Variants in CBLB observed in about 807,000 individuals in gnomAD.
CBLB encodes Cbl proto-oncogene B, also known as E3 ubiquitin-protein ligase CBL-B.
Under a neutral mutation model 104.9 loss-of-function variants are expected in CBLB, and 31 were observed. The observed-to-expected ratio is 0.30, with a 90% CI of 0.22 to 0.40. CBLB has a LOEUF of 0.40. CBLB is among the 10% of genes least tolerant of loss of function. The probability of loss-of-function intolerance (pLI) is 1.00; values close to 1 mark genes in which losing one functional copy is unlikely to be tolerated. For missense variants in CBLB, 1,062 were observed against 1,214.6 expected, an observed-to-expected ratio of 0.87 and a Z score of 1.87; for synonymous variants, 440 against 422.6, an observed-to-expected ratio of 1.04 and a Z score of -0.51.
chr3:105,700,473 G>A (rs1217537259), intron 12 of CBLB, among the ~76,000 whole-genome samples: 1 of 150,330 alleles, frequency 6.7e-6, no homozygotes, highest in Non-Finnish European at 1.5e-5. Context: ...AAGCTAAAGG[G>A]GGAAAAAAAA....
chr3:105,676,754 G>C lies in CBLB; in HGVS notation c.2569+1677C>G, dbSNP rs376138622. On this transcript the variant is annotated intron_variant, in intron 17 of 18. Coordinates refer to ENST00000394030, the MANE Select transcript of CBLB (RefSeq NM_170662.5). ...TGTCCCCACTCAAATTTCATTTTGAGTTGTAATCCCCACGTGTTAGGGAGG... is the reference window on the plus strand; with the variant it reads ...TGTCCCCACTCAAATTTCATTTTGACTTGTAATCCCCACGTGTTAGGGAGG... Among the ~76,000 whole-genome samples, 23 of 152,330 alleles carry C rather than the reference G, an allele frequency of 1.5e-4. 1 individual carries two copies. The South Asian group carries it at 4.8e-3, about 32-fold the overall frequency.
At chr3:105,760,297 T>C (rs2077494745) in intron 4 of CBLB, among the ~76,000 whole-genome samples, 1 of 152,210 alleles carries the variant, frequency 6.6e-6, no homozygotes, top group Admixed American at 6.5e-5. Context: ...CATAATAATG[T>C]GTAAAAATTC....
intron 7 of CBLB, among the ~76,000 whole-genome samples, chr3:105,737,800 C>T (rs1490594827): frequency 1.3e-5 from 2 of 152,130 alleles, no homozygotes; most frequent in African/African-American, 4.8e-5. Context: ...AACACATGTG[C>T]ACATATGCAA....
At chr3:105,710,757 T>C (rs559385585) in intron 10 of CBLB, among the ~76,000 whole-genome samples, 93 of 152,070 alleles carry the variant, frequency 6.1e-4, no homozygotes, top group African/African-American at 1.6e-3. Context: ...AAAGACCACA[T>C]TGGATTCTTT....
At chr3:105,814,325 G>A (rs762320635) in intron 3 of CBLB, among the ~76,000 whole-genome samples, 3 of 152,164 alleles carry the variant, frequency 2.0e-5, no homozygotes, top group Non-Finnish European at 4.4e-5. Context: ...TCATTAATCA[G>A]TATTACTGAG....
chr3:105,667,158 A>G (rs2064558794), intron 18 of CBLB, among the ~76,000 whole-genome samples: 1 of 152,216 alleles, frequency 6.6e-6, no homozygotes, highest in Admixed American at 6.5e-5. Context: ...CTTATTTGGC[A>G]ATAAGGTCTT....
At chr3:105,788,394 G>A (rs1365074388) in intron 3 of CBLB, among the ~76,000 whole-genome samples, 1 of 151,716 alleles carries the variant, frequency 6.6e-6, no homozygotes, top group East Asian at 1.9e-4. Context: ...TGGTTTCCTT[G>A]GGCCACATGT....
intron 3 of CBLB, among the ~76,000 whole-genome samples, chr3:105,834,967 C>T (rs922109689): frequency 6.6e-6 from 1 of 152,220 alleles, no homozygotes; most frequent in Non-Finnish European, 1.5e-5. Context: ...TATCACAACG[C>T]TGACAAGGTG....
intron 3 of CBLB, among the ~76,000 whole-genome samples, chr3:105,803,262 C>A (rs962765558): frequency 2.0e-4 from 31 of 152,134 alleles, no homozygotes; most frequent in Non-Finnish European, 4.0e-4. Context: ...CTACTTATTT[C>A]TTTAGGCTTA....
chr3:105,669,293 T>C (rs922907539), intron 18 of CBLB, among the ~76,000 whole-genome samples: 1 of 152,110 alleles, frequency 6.6e-6, no homozygotes, highest in Non-Finnish European at 1.5e-5. Flanking sequence ...GAAGCCCTCA[T>C]GAAAGGGATT....
At chr3:105,827,004 A>G (rs2086681517) in intron 3 of CBLB, among the ~76,000 whole-genome samples, 1 of 152,190 alleles carries the variant, frequency 6.6e-6, no homozygotes, top group African/African-American at 2.4e-5. Flanking sequence ...AATGTGATGG[A>G]ATTTATTAGC....
intron 3 of CBLB, among the ~76,000 whole-genome samples, chr3:105,789,231 G>A (rs1056525749): frequency 6.6e-6 from 1 of 152,074 alleles, no homozygotes; most frequent in African/African-American, 2.4e-5. Flanking sequence ...CTATTATCAC[G>A]ATACTCAATT....
At position 105,702,328 on chromosome 3, in the gene CBLB, G is replaced by A. The variant is rs202207806; in HGVS notation, c.1725C>T (p.Ile575=). Residue 575 remains isoleucine, a synonymous_variant, in exon 12 of 19, where the codon ATC becomes ATT. Transcript: ENST00000394030. ...IPPDNRLSRH[I]HHVESVPSRD... ...TGGAAGGCACGCTTTCCACATGATG[G>A]ATGTGTCTACTCAGTCTATTGTCTG... 1.1e-5 allele frequency: 18 copies of A among 1,613,884 alleles called. No individual in the cohort carries two copies. Among genetic ancestry groups the A allele is most frequent in the Non-Finnish European group, 1.4e-5 (17 of 1,180,014 alleles).
In CBLB at chr3:105,797,326, G is replaced by A. The variant is rs2082354825; in HGVS notation, c.420-20784C>T. Among the ~76,000 whole-genome samples the A allele has an allele frequency of 3.3e-5, 5 of 152,142 alleles. No homozygotes were observed. The South Asian group carries it at 8.3e-4, about 25-fold the overall frequency. The stretch of plus-strand genomic sequence containing the variant: ...AGGCCATTATCTGAAGCAAACTAAT[G>A]TAGGAGCAAAAAACCAAATACCATA... On this transcript the variant is annotated intron_variant, in intron 3 of 18. Coordinates refer to ENST00000394030, the MANE Select transcript of CBLB (RefSeq NM_170662.5).
chr3:105,852,286 T>G (rs929791801), intron 3 of CBLB, among the ~76,000 whole-genome samples: 7 of 152,130 alleles, frequency 4.6e-5, no homozygotes, highest in African/African-American at 1.7e-4. Flanking sequence ...TGTGTGACCT[T>G]CCAGTGGAAT....
chr3:105,767,085 A>AT (rs1050741615), intron 4 of CBLB, among the ~76,000 whole-genome samples: 4 of 152,004 alleles, frequency 2.6e-5, no homozygotes, highest in South Asian at 2.1e-4. Flanking sequence ...GATACCTGAA[A>AT]TTTTTTTTAA....
chr3:105,789,994 T>C (rs943485978), intron 3 of CBLB, among the ~76,000 whole-genome samples: 2 of 152,194 alleles, frequency 1.3e-5, no homozygotes, highest in African/African-American at 4.8e-5. Context: ...ACTGTACCTG[T>C]CTACCTGTGT....
At chr3:105,740,301 A>T (rs1232723158) in intron 7 of CBLB, among the ~76,000 whole-genome samples, 193 bp downstream of exon 7, 1 of 152,224 alleles carries the variant, frequency 6.6e-6, no homozygotes, top group Non-Finnish European at 1.5e-5. Flanking sequence ...TATTTGCTAT[A>T]ACATAGTTTC....
At chr3:105,848,595 G>A (rs935670993) in intron 3 of CBLB, among the ~76,000 whole-genome samples, 6 of 152,036 alleles carry the variant, frequency 3.9e-5, no homozygotes, top group South Asian at 4.2e-4. Context: ...ATAACAATCC[G>A]CATTTATTGT....
Sources: gnomAD v4.1 joint callset for allele counts (sites outside exome capture counted in the v4.1 genomes callset) on GRCh38, gnomAD v4.1.1 for gene constraint, MANE v1.5 for transcripts, NCBI Gene and HGNC (gene_info 2026-07-23, HGNC 2026-07-21) for gene names.